RGP1: variants seen among roughly 807,000 people sequenced by gnomAD.
RGP1 encodes RGP1 partner of RAB6A GEF complex.
RGP1 carries 28 observed loss-of-function variants against 44.5 expected under a neutral mutation model. That is an observed-to-expected ratio of 0.63 (90% CI 0.47 to 0.86). The LOEUF is 0.86. RGP1 is among the 40% of genes least tolerant of loss of function. The probability of loss-of-function intolerance (pLI) is 0.00; values close to 1 mark genes in which losing one functional copy is unlikely to be tolerated. For missense variants in RGP1, 417 were observed against 490.7 expected (o/e 0.85, Z 1.42); for synonymous variants, 212 against 196.7 (o/e 1.08, Z -0.65).
the RGP1 span, among the ~76,000 whole-genome samples, chr9:35,767,733 C>T: frequency 6.6e-6 from 1 of 152,178 alleles, no homozygotes; most frequent in African/African-American, 2.4e-5. Flanking sequence ...TCATGGCATT[C>T]TTTCTTGCTG....
Position 35,749,540 on chromosome 9 carries a change from A to G in RGP1, c.-20+132A>G. On this transcript the variant is annotated intron_variant, in intron 1 of 8. Transcript: ENST00000378078. The surrounding 1 kb of genome is among the most constrained non-coding windows in gnomAD (Gnocchi z 4.4). Reference sequence around the variant, plus strand: ...GCACAGGGGCTGGGGTCTAGGGCCCAGAGCGATGTCCTCCCCCTGGGCAGT... The same window carrying G: ...GCACAGGGGCTGGGGTCTAGGGCCCGGAGCGATGTCCTCCCCCTGGGCAGT... The G allele has an allele frequency of 1.5e-6, 1 of 677,198 alleles. No individual in the cohort carries two copies. 41.9% of individuals were successfully genotyped at this position (677,198 alleles called of 1,614,324 possible). A position where few individuals can be genotyped will look rare whatever the true frequency, so the allele number is the denominator to read the frequency against.
chr9:35,751,075 A>C, intron 5 of RGP1, 86 bp downstream of exon 5: 1 of 1,543,254 alleles, frequency 6.5e-7, no homozygotes. Context: ...GAGGGACTGC[A>C]GGGAAACTTC....
At position 35,750,859 on chromosome 9, in the gene RGP1, G is replaced by T. The variant is rs1827245897; in HGVS notation, c.357G>T (p.Leu119=). The change falls in exon 5 of 9, where the codon CTG becomes CTT. Residue 119 remains leucine (L), a synonymous_variant. Coordinates refer to ENST00000378078, the MANE Select transcript of RGP1 (RefSeq NM_001080496.3). ...ESKSYSYSEV[L]PIEGPPSFRG... is the part of the protein sequence containing the mutation. The stretch of plus-strand genomic sequence containing the variant: ...AACCAGACTCCTACAGTGAAGTGCT[G>T]CCCATAGAGGGACCACCCTCCTTTC... 1 of 1,613,856 alleles carries T rather than the reference G, an allele frequency of 6.2e-7. No homozygotes were observed. Among genetic ancestry groups the T allele is most frequent in the African/African-American group, 1.3e-5 (1 of 74,896 alleles).
chr9:35,775,883 G>A, the RGP1 span, among the ~76,000 whole-genome samples: 8 of 152,096 alleles, frequency 5.3e-5, no homozygotes, highest in Non-Finnish European at 1.0e-4. Flanking sequence ...CCATAATAAT[G>A]GACATTTATA....
chr9:35,776,932 G>A, the RGP1 span, among the ~76,000 whole-genome samples: 8 of 148,888 alleles, frequency 5.4e-5, no homozygotes, highest in Non-Finnish European at 7.4e-5. Context: ...GAGGTGGAGC[G>A]TCCAGTGAGC....
chr9:35,760,431 A>G (rs1827408862), downstream of RGP1, among the ~76,000 whole-genome samples: 1 of 152,194 alleles, frequency 6.6e-6, no homozygotes, highest in South Asian at 2.1e-4. Flanking sequence ...TGACAACCAA[A>G]ATGTCTCCAA....
chr9:35,753,646 C>A lies in RGP1; in HGVS notation c.*772C>A. Reference sequence around the variant, plus strand: ...TATCAGAGTCATTCTCTCTGGCCATCTTTGGTCACTCACGTGTCACAGCAG... The same window carrying A: ...TATCAGAGTCATTCTCTCTGGCCATATTTGGTCACTCACGTGTCACAGCAG... On this transcript the variant is annotated 3_prime_UTR_variant, in exon 9 of 9. Coordinates refer to ENST00000378078, the MANE Select transcript of RGP1 (RefSeq NM_001080496.3). The surrounding 1 kb of genome is among the most constrained non-coding windows in gnomAD (Gnocchi z 4.2). 6.2e-7 allele frequency: 1 copy of A among 1,605,006 alleles called. No individual in the cohort carries two copies. The highest frequency in any genetic ancestry group is 8.5e-7 in the Non-Finnish European group (1 of 1,172,184).
rs1019093466 is a variant in RGP1 at position 35,756,031 on chromosome 9, G to A, written c.*3157G>A. ...TAAGTCTCCTGCTTTTTCTCACTTG[G>A]ATTTGGATCCATTTCTTCCTATTTC... On this transcript the variant is annotated 3_prime_UTR_variant, in exon 9 of 9. Coordinates refer to ENST00000378078, the MANE Select transcript of RGP1 (RefSeq NM_001080496.3). 2 of 152,112 alleles carry A rather than the reference G, an allele frequency of 1.3e-5. No individual in the cohort carries two copies. The highest frequency in any genetic ancestry group is 2.4e-5 in the African/African-American group (1 of 41,358). The allele number at this position is 152,112 out of a possible 1,614,324, so 9.4% of individuals were successfully genotyped here. A position where few individuals can be genotyped will look rare whatever the true frequency, so the allele number is the denominator to read the frequency against.
chr9:35,753,244 C>G lies in RGP1; in HGVS notation c.*370C>G. The G allele has an allele frequency of 6.2e-7, 1 of 1,614,108 alleles. No individual in the cohort carries two copies. The highest frequency in any genetic ancestry group is 8.5e-7 in the Non-Finnish European group (1 of 1,180,022). On this transcript the variant is annotated 3_prime_UTR_variant, in exon 9 of 9. Transcript: ENST00000378078. This position sits in a 1 kb window ranked among gnomAD's most constrained non-coding sequence, Gnocchi z 4.2. ...GGCAGGTTCCTGCCTCCTGACGTAC[C>G]TCACACCCAGCCGGGAAGTCGATGG...
At chr9:35,765,589 G>A in the RGP1 span, among the ~76,000 whole-genome samples, 2 of 151,378 alleles carry the variant, frequency 1.3e-5, no homozygotes, top group East Asian at 2.0e-4. Flanking sequence ...TGTAGGAGGC[G>A]GAGGTTGCAG....
At chr9:35,777,018 T>C in the RGP1 span, among the ~76,000 whole-genome samples, 1 of 150,906 alleles carries the variant, frequency 6.6e-6, no homozygotes, top group African/African-American at 2.4e-5. Flanking sequence ...AAATTTGCTT[T>C]GTGGAAAATC....
intron 5 of RGP1, 95 bp from the exon 6 acceptor site, chr9:35,751,171 A>C: frequency 6.6e-7 from 1 of 1,513,632 alleles, no homozygotes; most frequent in Non-Finnish European, 9.0e-7. Context: ...GGCACCCCTT[A>C]CCTTTAGCCA....
chr9:35,750,966 C>G lies in RGP1; in HGVS notation c.464C>G (p.Pro155Arg). The G allele has an allele frequency of 9.3e-6, 15 of 1,613,902 alleles. No individual in the cohort carries two copies. Among genetic ancestry groups the G allele is most frequent in the Non-Finnish European group, 1.1e-5 (13 of 1,179,896 alleles). Reference protein sequence around the residue: ...VNSPITLLRVPLRVLVLTGLQ... With the variant: ...VNSPITLLRVRLRVLVLTGLQ... ...TCCCCTATCACTTTACTCAGAGTCCCTCTGAGGGTTCTTGTGCTGACTGGT... is the reference window on the plus strand; with the variant it reads ...TCCCCTATCACTTTACTCAGAGTCCGTCTGAGGGTTCTTGTGCTGACTGGT... Residue 155 changes from proline (P) to arginine (R), a missense_variant, in exon 5 of 9, where the codon CCT (proline) becomes CGT (arginine). Pro to Arg is a moderately radical substitution (Grantham distance 103). Transcript: ENST00000378078.
the RGP1 span, among the ~76,000 whole-genome samples, chr9:35,779,722 A>G: frequency 3.9e-5 from 6 of 152,336 alleles, no homozygotes; most frequent in African/African-American, 1.4e-4. Context: ...AAGAACTCAC[A>G]TAACTGTCTC....
Position 35,756,269 on chromosome 9 carries a change from C to T in RGP1, c.*3395C>T, listed in dbSNP as rs1005102425. On this transcript the variant is annotated 3_prime_UTR_variant, in exon 9 of 9. Coordinates refer to ENST00000378078, the MANE Select transcript of RGP1 (RefSeq NM_001080496.3). ...TTACTCCAAGACTCACTCCCTGCCA[C>T]CTAGTGCATCAGATACAGCTACTTC... The T allele has an allele frequency of 1.3e-5, 2 of 152,366 alleles. No homozygotes were observed. Among genetic ancestry groups the T allele is most frequent in the African/African-American group, 4.8e-5 (2 of 41,458 alleles). 9.4% of individuals were successfully genotyped at this position (152,366 alleles called of 1,614,324 possible). A position where few individuals can be genotyped will look rare whatever the true frequency, so the allele number is the denominator to read the frequency against.
At chr9:35,763,152 GCTGT>G (rs1418555356), downstream of RGP1, among the ~76,000 whole-genome samples, 4 of 152,134 alleles carry the variant, frequency 2.6e-5, no homozygotes, top group African/African-American at 9.7e-5. Context: ...TAGTCTCCTT[GCTGT>G]CTAATTCTGT....
chr9:35,749,863 T>G lies in RGP1; in HGVS notation c.108T>G (p.Ser36=), dbSNP rs772268629. Residue 36 remains serine, a synonymous_variant, in exon 2 of 9, where the codon TCT becomes TCG. Transcript: ENST00000378078. The surrounding 1 kb of genome is among the most constrained non-coding windows in gnomAD (Gnocchi z 4.4). ...ACCCCCTTCCGCCCACGGCCACTTC[T>G]GCATCCAGGTGGGGATGCTGGCACT... ...VTNPLPPTAT[S]ASSEALAWAS... 3 of 1,608,970 alleles carry G rather than the reference T, an allele frequency of 1.9e-6. No individual in the cohort carries two copies. Among genetic ancestry groups the G allele is most frequent in the Non-Finnish European group, 2.6e-6 (3 of 1,175,990 alleles).
At chr9:35,759,138 A>G (rs1235633271), downstream of RGP1, among the ~76,000 whole-genome samples, 2 of 152,242 alleles carry the variant, frequency 1.3e-5, no homozygotes, top group East Asian at 1.9e-4. Flanking sequence ...AACTCTCCCA[A>G]CGTTTTGCAT....
At chr9:35,762,217 AG>A, downstream of RGP1, among the ~76,000 whole-genome samples, 1 of 152,240 alleles carries the variant, frequency 6.6e-6, no homozygotes, top group Non-Finnish European at 1.5e-5. Flanking sequence ...GAAATAAGGC[AG>A]ACATGATAGC....
Sources: allele counts gnomAD v4.1 joint callset (sites outside exome capture counted in the v4.1 genomes callset), GRCh38; gene constraint gnomAD v4.1.1; non-coding constraint Gnocchi (gnomAD v3.1); transcripts MANE v1.5; gene names NCBI Gene and HGNC (gene_info 2026-07-23, HGNC 2026-07-21).